SUGCT: variants seen among roughly 807,000 people sequenced by gnomAD.
SUGCT encodes the protein succinyl-CoA:glutarate-CoA transferase.
SUGCT carries 41 observed loss-of-function variants against 55.0 expected under a neutral mutation model. The ratio of observed to expected loss-of-function variants is 0.74; its 90% CI spans 0.58 to 0.97. The LOEUF (loss-of-function observed/expected upper bound fraction) is 0.97. Ranked by LOEUF, SUGCT falls within the 50% of genes least tolerant of loss-of-function variation. The pLI is 0.00. For synonymous variants in SUGCT, 187 were observed against 200.4 expected (o/e 0.93, Z 0.56); for missense variants, 568 against 547.8 (o/e 1.04, Z -0.37).
chr7:40,321,151 C>T lies in SUGCT; in HGVS notation c.816+4296C>T, dbSNP rs1340847366. ...GAGTGTATGGTGCGATCTCGGCTCA[C>T]TGCAACCTCTGCCTCCTCGGTTCAA... On this transcript the variant is annotated intron_variant, in intron 9 of 13. Coordinates refer to ENST00000335693, the MANE Select transcript of SUGCT (RefSeq NM_001193313.2). 2.7e-5 allele frequency among the ~76,000 whole-genome samples: 4 copies of T among 147,530 alleles called. No homozygotes were observed. The East Asian group carries it at 8.2e-4, about 30-fold the overall frequency.
chr7:40,677,340 G>A (rs1424274234), intron 12 of SUGCT, among the ~76,000 whole-genome samples: 2 of 152,186 alleles, frequency 1.3e-5, no homozygotes, highest in African/African-American at 4.8e-5. Flanking sequence ...TATAAAAACA[G>A]GGTTTATTTT....
the SUGCT span, among the ~76,000 whole-genome samples, chr7:40,898,725 A>G: frequency 6.6e-6 from 1 of 151,896 alleles, no homozygotes; most frequent in Non-Finnish European, 1.5e-5. Context: ...ACTTACCACG[A>G]GGGTACGCGG....
chr7:40,811,020 C>G (rs1791381214), intron 13 of SUGCT, among the ~76,000 whole-genome samples: 1 of 152,124 alleles, frequency 6.6e-6, no homozygotes, highest in South Asian at 2.1e-4. Context: ...AATAGGGAAT[C>G]CTTTCCCCAT....
chr7:40,702,080 C>T (rs1172673773), intron 12 of SUGCT, among the ~76,000 whole-genome samples: 1 of 152,182 alleles, frequency 6.6e-6, no homozygotes, highest in South Asian at 2.1e-4. Context: ...CTGTAAGCCC[C>T]GCCAAAGATT....
chr7:40,726,046 A>G (rs1027924156), intron 12 of SUGCT, among the ~76,000 whole-genome samples: 27 of 152,114 alleles, frequency 1.8e-4, no homozygotes, highest in African/African-American at 6.5e-4. Flanking sequence ...CAAGTCGGGA[A>G]ATGATCCATA....
chr7:40,854,649 C>T (rs1039937843), intron 13 of SUGCT, among the ~76,000 whole-genome samples: 2 of 151,960 alleles, frequency 1.3e-5, no homozygotes, highest in Non-Finnish European at 1.5e-5. Context: ...CAGTATGTCC[C>T]TTGAGAAAGT....
intron 12 of SUGCT, among the ~76,000 whole-genome samples, chr7:40,609,153 C>T (rs1170052027): frequency 3.3e-5 from 5 of 152,034 alleles, no homozygotes; most frequent in African/African-American, 1.2e-4. Context: ...CCCTAGTATC[C>T]TTATCTGTGA....
At chr7:40,560,175 A>C (rs920699551) in intron 12 of SUGCT, among the ~76,000 whole-genome samples, 1 of 152,232 alleles carries the variant, frequency 6.6e-6, no homozygotes, top group African/African-American at 2.4e-5. Flanking sequence ...GGCCCTAAGC[A>C]TACAGCTAGG....
intron 9 of SUGCT, among the ~76,000 whole-genome samples, chr7:40,414,972 G>A (rs1786890055): frequency 6.6e-6 from 1 of 151,122 alleles, no homozygotes; most frequent in Admixed American, 6.6e-5. Flanking sequence ...TAGAACTCTG[G>A]GGGCGGATGT....
chr7:40,684,815 T>A (rs185587394), intron 12 of SUGCT, among the ~76,000 whole-genome samples: 1 of 152,028 alleles, frequency 6.6e-6, no homozygotes, highest in African/African-American at 2.4e-5. Flanking sequence ...AGACACATAG[T>A]GTTTTATGAG....
At chr7:40,898,483 G>GT in the SUGCT span, among the ~76,000 whole-genome samples, 1 of 108,274 alleles carries the variant, frequency 9.2e-6, no homozygotes, top group East Asian at 3.6e-4. Flanking sequence ...GGGAGGTCGG[G>GT]GGGGGGGGGG....
At chr7:40,272,978 GA>G (rs1792196997) in intron 7 of SUGCT, among the ~76,000 whole-genome samples, 2 of 151,510 alleles carry the variant, frequency 1.3e-5, no homozygotes, top group African/African-American at 2.4e-5. Context: ...AACTTTTATT[GA>G]AAAAAAATTC....
intron 7 of SUGCT, among the ~76,000 whole-genome samples, chr7:40,245,423 A>T (rs12701800): frequency 0.55 from 30,539 of 55,252 alleles, 7,501 homozygotes; most frequent in East Asian, 0.73. Flanking sequence ...ATATATATAT[A>T]TTTTTTTTTT....
intron 9 of SUGCT, among the ~76,000 whole-genome samples, chr7:40,422,797 T>C (rs142013985): frequency 3.9e-4 from 59 of 151,846 alleles, no homozygotes; most frequent in African/African-American, 1.3e-3. Context: ...ATCCTTGCCA[T>C]TTTAGAGAAT....
At chr7:40,406,625 G>T (rs1212582100) in intron 9 of SUGCT, among the ~76,000 whole-genome samples, 1 of 152,134 alleles carries the variant, frequency 6.6e-6, no homozygotes, top group East Asian at 1.9e-4. Flanking sequence ...CAAGGAAATT[G>T]ATTTATTTAG....
chr7:40,443,833 T>G (rs1425883196), intron 9 of SUGCT, among the ~76,000 whole-genome samples: 1 of 152,214 alleles, frequency 6.6e-6, no homozygotes. Flanking sequence ...CTATGTTTTC[T>G]TCTAGGGTTT....
chr7:40,502,833 C>T (rs1034893115), intron 12 of SUGCT, among the ~76,000 whole-genome samples: 7 of 152,052 alleles, frequency 4.6e-5, no homozygotes, highest in Non-Finnish European at 8.8e-5. Context: ...CATTTGTTAG[C>T]CTCCAACTAA....
intron 12 of SUGCT, among the ~76,000 whole-genome samples, chr7:40,726,955 G>A (rs1211094429): frequency 6.6e-6 from 1 of 152,224 alleles, no homozygotes; most frequent in South Asian, 2.1e-4. Flanking sequence ...CAAAGCTCTC[G>A]AGACAGAGTA....
chr7:40,929,606 T>C, the SUGCT span, among the ~76,000 whole-genome samples: 3 of 152,164 alleles, frequency 2.0e-5, no homozygotes, highest in Non-Finnish European at 4.4e-5. Context: ...TTTTAATGAT[T>C]GCCATTCTAA....
Sources: allele counts gnomAD v4.1 joint callset (sites outside exome capture counted in the v4.1 genomes callset), GRCh38; gene constraint gnomAD v4.1.1; transcripts MANE v1.5; gene names NCBI Gene and HGNC (gene_info 2026-07-23, HGNC 2026-07-21).